The following MAPRE2 variants were observed in gnomAD, a reference collection of about 807,000 sequenced individuals.
The protein encoded by MAPRE2 is microtubule-associated protein RP/EB family member 2.
MAPRE2 carries 13 observed loss-of-function variants against 43.2 expected under a neutral mutation model. The observed-to-expected ratio is 0.30, with a 90% CI of 0.20 to 0.48. MAPRE2 has a LOEUF of 0.48. Ranked by LOEUF, MAPRE2 falls within the 20% of genes least tolerant of loss-of-function variation. MAPRE2 has a pLI of 0.99. For missense variants in MAPRE2, 161 were observed against 400.2 expected (o/e 0.40, Z 5.10); for synonymous variants, 135 against 148.8 (o/e 0.91, Z 0.68).
chr18:35,093,734 A>G (rs1908270274), intron 2 of MAPRE2, among the ~76,000 whole-genome samples: 1 of 152,124 alleles, frequency 6.6e-6, no homozygotes, highest in African/African-American at 2.4e-5. Flanking sequence ...AGAAATAGAG[A>G]GTAGAATAAT....
At chr18:35,108,287 CA>C (rs1330429635) in intron 4 of MAPRE2, among the ~76,000 whole-genome samples, 1 of 152,180 alleles carries the variant, frequency 6.6e-6, no homozygotes, top group Non-Finnish European at 1.5e-5. Flanking sequence ...CACATCCCTG[CA>C]AAGGACATGA....
chr18:35,052,347 T>C (rs533007686), intron 1 of MAPRE2, among the ~76,000 whole-genome samples: 3 of 152,216 alleles, frequency 2.0e-5, no homozygotes, highest in Admixed American at 6.5e-5. Flanking sequence ...TCTGACTACT[T>C]TGACTCAGCA....
chr18:35,022,305 G>A (rs564290172), intron 2 of MAPRE2, among the ~76,000 whole-genome samples: 152 of 152,100 alleles, frequency 1.0e-3, no homozygotes, highest in Non-Finnish European at 1.6e-3. Flanking sequence ...AAAGCAATTT[G>A]TTCAAATTAG....
At chr18:35,056,585 A>G (rs1396125288) in intron 1 of MAPRE2, among the ~76,000 whole-genome samples, 1 of 152,142 alleles carries the variant, frequency 6.6e-6, no homozygotes, top group East Asian at 1.9e-4. Context: ...CATCTGTTCA[A>G]ATTGGCTCAA....
At chr18:35,013,626 G>A (rs1299809954) in intron 2 of MAPRE2, among the ~76,000 whole-genome samples, 1 of 152,082 alleles carries the variant, frequency 6.6e-6, no homozygotes, top group South Asian at 2.1e-4. Flanking sequence ...CTCCTGTCTA[G>A]CTGTAATTTT....
intron 1 of MAPRE2, among the ~76,000 whole-genome samples, chr18:35,047,220 A>G (rs1905675700): frequency 6.6e-6 from 1 of 152,216 alleles, no homozygotes; most frequent in Non-Finnish European, 1.5e-5. Flanking sequence ...TCCTGTGAGA[A>G]GTATCTTTTT....
chr18:35,057,131 C>T (rs1906271028), intron 1 of MAPRE2, among the ~76,000 whole-genome samples: 1 of 152,174 alleles, frequency 6.6e-6, no homozygotes, highest in Non-Finnish European at 1.5e-5. Context: ...TCTCCTGCCT[C>T]AGCCTCCCAA....
At position 35,012,344 on chromosome 18, in the gene MAPRE2, T is replaced by C. The variant is rs138387689; in HGVS notation, c.-8+6791T>C. Among the ~76,000 whole-genome samples the C allele has an allele frequency of 3.2e-3, 483 of 152,210 alleles. 2 individuals carry two copies. Among genetic ancestry groups the C allele is most frequent in the African/African-American group, 0.011 (461 of 41,528 alleles). On this transcript the variant is annotated intron_variant, in intron 2 of 7. Coordinates refer to the MAPRE2 transcript ENST00000413393. ...GTAAGCAGTAAGCCACAAATATAGA[T>C]AAAATTGCCCAAGGAGAGTATAGAA...
At chr18:35,031,365 A>C (rs970822893) in intron 2 of MAPRE2, among the ~76,000 whole-genome samples, 2 of 152,200 alleles carry the variant, frequency 1.3e-5, no homozygotes, top group South Asian at 4.1e-4. Flanking sequence ...TTTCTTTTCT[A>C]TATTCCTAAT....
At chr18:35,018,546 A>G (rs2097039927) in intron 2 of MAPRE2, among the ~76,000 whole-genome samples, 1 of 151,456 alleles carries the variant, frequency 6.6e-6, no homozygotes, top group Non-Finnish European at 1.5e-5. Context: ...TTCCTGATTC[A>G]ATCTTGGGAG....
intron 6 of MAPRE2, among the ~76,000 whole-genome samples, chr18:35,139,169 G>T (rs772980669): frequency 6.6e-6 from 1 of 152,170 alleles, no homozygotes; most frequent in African/African-American, 2.4e-5. Context: ...GCTAAAGATG[G>T]GTTTGTCCTA....
Position 35,140,427 on chromosome 18 carries a change from T to C in MAPRE2, c.*58T>C. ...GTGTGGGAACGTTTCTTCTGGAGAA[T>C]TGGAACATGTGTGGCCCCAAGCTCA... On this transcript the variant is annotated 3_prime_UTR_variant, in exon 7 of 7. Coordinates refer to ENST00000300249, the MANE Select transcript of MAPRE2 (RefSeq NM_014268.4). 4 of 1,493,476 alleles carry C rather than the reference T, an allele frequency of 2.7e-6. No individual in the cohort carries two copies. Among genetic ancestry groups the C allele is most frequent in the Non-Finnish European group, 3.7e-6 (4 of 1,093,974 alleles). 92.5% of individuals were successfully genotyped at this position (1,493,476 alleles called of 1,614,324 possible).
Position 35,133,256 on chromosome 18 carries a change from CT to C in MAPRE2, c.909+1076del, listed in dbSNP as rs532429285. On this transcript the variant is annotated intron_variant, in intron 6 of 6. Transcript: ENST00000300249. Reference sequence around the variant, plus strand: ...TCTGTGGTTTGGAAGCTCTTTATCACTTTTTTTTTTCACTTCTTCCAAATAT... The same window carrying C: ...TCTGTGGTTTGGAAGCTCTTTATCACTTTTTTTTTCACTTCTTCCAAATAT... Among the ~76,000 whole-genome samples the C allele has an allele frequency of 3.6e-4, 54 of 149,630 alleles. 1 individual carries two copies. The South Asian group carries it at 5.3e-3, about 15-fold the overall frequency.
At chr18:35,040,216 TAAAAA>T (rs879483269), upstream of MAPRE2, among the ~76,000 whole-genome samples, 2 of 149,586 alleles carry the variant, frequency 1.3e-5, no homozygotes, top group African/African-American at 4.9e-5. Flanking sequence ...AAAATAATAA[TAAAAA>T]AAAAATCTCT....
chr18:35,034,178 G>A (rs956685132), intron 2 of MAPRE2, among the ~76,000 whole-genome samples: 4 of 151,932 alleles, frequency 2.6e-5, no homozygotes, highest in Admixed American at 1.3e-4. Flanking sequence ...TAGATCAATG[G>A]AACAGAACAG....
At chr18:35,076,580 A>T (rs1392376294) in intron 2 of MAPRE2, among the ~76,000 whole-genome samples, 1 of 152,130 alleles carries the variant, frequency 6.6e-6, no homozygotes, top group Non-Finnish European at 1.5e-5. Flanking sequence ...TCCCCAGGCT[A>T]GGGGGGCCTT....
At chr18:35,039,976 G>A (rs745477772), upstream of MAPRE2, among the ~76,000 whole-genome samples, 1 of 152,174 alleles carries the variant, frequency 6.6e-6, no homozygotes, top group Non-Finnish European at 1.5e-5. Flanking sequence ...CTTTGGGGCG[G>A]GTGGACTGCC....
intron 1 of MAPRE2, among the ~76,000 whole-genome samples, chr18:34,985,140 C>T (rs1173597984): frequency 1.6e-5 from 1 of 63,906 alleles, no homozygotes; most frequent in Non-Finnish European, 2.6e-5. Context: ...TAAATATATA[C>T]AAATATATTT....
chr18:35,061,846 G>T (rs1260470668), intron 1 of MAPRE2, among the ~76,000 whole-genome samples: 1 of 152,058 alleles, frequency 6.6e-6, no homozygotes, highest in Non-Finnish European at 1.5e-5. Flanking sequence ...CTTTCTCTGT[G>T]CCCCACATTG....
Sources: gnomAD v4.1 joint callset for allele counts (sites outside exome capture counted in the v4.1 genomes callset) on GRCh38, gnomAD v4.1.1 for gene constraint, MANE v1.5 for transcripts, NCBI Gene and HGNC (gene_info 2026-07-23, HGNC 2026-07-21) for gene names.